Variants in UNC5D observed in about 807,000 individuals in gnomAD.
The protein encoded by UNC5D is netrin receptor UNC5D.
UNC5D carries 39 observed loss-of-function variants against 105.4 expected under a neutral mutation model. That is an observed-to-expected ratio of 0.37 (90% CI 0.29 to 0.48). The LOEUF (loss-of-function observed/expected upper bound fraction) is 0.48, where lower values mean the gene tolerates loss of function less well. Ranked by LOEUF, UNC5D falls within the 20% of genes least tolerant of loss-of-function variation. UNC5D has a pLI of 0.98. For synonymous variants in UNC5D, 452 were observed against 450.4 expected, an observed-to-expected ratio of 1.00 and a Z score of -0.04; for missense variants, 991 against 1,202.4, an observed-to-expected ratio of 0.82 and a Z score of 2.60.
At chr8:35,755,020 A>ATAAT (rs1830452608) in intron 13 of UNC5D, among the ~76,000 whole-genome samples, 1 of 152,180 alleles carries the variant, frequency 6.6e-6, no homozygotes, top group Admixed American at 6.5e-5. Flanking sequence ...TGTTTTTGTA[A>ATAAT]TAATTAGGGC....
intron 13 of UNC5D, among the ~76,000 whole-genome samples, chr8:35,752,062 G>A (rs1347455860): frequency 1.3e-5 from 2 of 152,154 alleles, no homozygotes; most frequent in Non-Finnish European, 2.9e-5. Context: ...CTATCACAAG[G>A]TAGTCATTTT....
intron 2 of UNC5D, among the ~76,000 whole-genome samples, chr8:35,556,912 G>A (rs1047110956): frequency 6.6e-6 from 1 of 152,112 alleles, no homozygotes; most frequent in African/African-American, 2.4e-5. Context: ...GAGTTGCTCT[G>A]GTTTGAACAC....
intron 4 of UNC5D, among the ~76,000 whole-genome samples, chr8:35,662,254 A>C (rs1396297935): frequency 6.6e-6 from 1 of 152,012 alleles, no homozygotes; most frequent in Non-Finnish European, 1.5e-5. Context: ...TTCTGTGATA[A>C]GACATGGTCT....
intron 3 of UNC5D, among the ~76,000 whole-genome samples, chr8:35,579,090 T>C (rs145860841): frequency 1.3e-5 from 2 of 152,278 alleles, no homozygotes; most frequent in African/African-American, 4.8e-5. Flanking sequence ...AGATTTTATT[T>C]CAATTCAACT....
At chr8:35,416,910 G>A (rs1366041977) in intron 1 of UNC5D, among the ~76,000 whole-genome samples, 2 of 152,138 alleles carry the variant, frequency 1.3e-5, no homozygotes, top group Non-Finnish European at 2.9e-5. Context: ...TTATTGCAGA[G>A]AAAGAAGGGA....
In UNC5D at chr8:35,560,969, C is replaced by T. The variant is rs550244096; in HGVS notation, c.323-7129C>T. 7.2e-4 allele frequency among the ~76,000 whole-genome samples: 110 copies of T among 152,292 alleles called. 1 individual carries two copies. Among genetic ancestry groups the T allele is most frequent in the South Asian group, 2.9e-3 (14 of 4,816 alleles). On this transcript the variant is annotated intron_variant, in intron 2 of 16. Coordinates refer to ENST00000404895, the MANE Select transcript of UNC5D (RefSeq NM_080872.4). ...GTGGGGTAAGACAAGATATAATCTT[C>T]ATAGTAGGGTGCCCTGGTCCCTTGT... is the stretch of plus-strand genomic sequence containing the variant.
intron 1 of UNC5D, among the ~76,000 whole-genome samples, chr8:35,432,923 T>G (rs1294293157): frequency 6.6e-6 from 1 of 152,152 alleles, no homozygotes. Flanking sequence ...GTTACACAGG[T>G]AAATAGCAAT....
intron 1 of UNC5D, among the ~76,000 whole-genome samples, chr8:35,413,045 G>A (rs540263503): frequency 2.9e-4 from 44 of 152,106 alleles, no homozygotes; most frequent in African/African-American, 9.2e-4. Context: ...TCTTGTTTAC[G>A]CTGACAGGCT....
At chr8:35,551,581 AG>A (rs1816143788) in intron 2 of UNC5D, among the ~76,000 whole-genome samples, 1 of 152,102 alleles carries the variant, frequency 6.6e-6, no homozygotes, top group Admixed American at 6.5e-5. Flanking sequence ...GCACTTTGGG[AG>A]GCCGAGGTGG....
chr8:35,484,801 T>G (rs1270865328), intron 1 of UNC5D, among the ~76,000 whole-genome samples: 1 of 152,186 alleles, frequency 6.6e-6, no homozygotes, highest in African/African-American at 2.4e-5. Context: ...TCTTGCTTGA[T>G]GCTTAGAATA....
intron 1 of UNC5D, among the ~76,000 whole-genome samples, chr8:35,351,103 G>A (rs898168060): frequency 2.6e-5 from 4 of 151,968 alleles, no homozygotes; most frequent in Non-Finnish European, 5.9e-5. Context: ...AAGCAGACAA[G>A]CTTAAAACAG....
intron 4 of UNC5D, among the ~76,000 whole-genome samples, chr8:35,630,507 C>T (rs1402824650): frequency 6.6e-6 from 1 of 152,164 alleles, no homozygotes; most frequent in Non-Finnish European, 1.5e-5. Context: ...GCAGTGGTGT[C>T]CTTTTCTCTC....
At chr8:35,766,557 A>G (rs557181198) in intron 14 of UNC5D, among the ~76,000 whole-genome samples, 3 of 152,308 alleles carry the variant, frequency 2.0e-5, no homozygotes, top group Admixed American at 6.5e-5. Context: ...GAGTCTTCCA[A>G]AGGAAAATAT....
At chr8:35,595,766 A>C in intron 4 of UNC5D, 109 bp downstream of exon 4, 1 of 915,698 alleles carries the variant, frequency 1.1e-6, no homozygotes, top group Non-Finnish European at 1.7e-6. Flanking sequence ...CATGTCTGGG[A>C]TTCTTGTTGC....
intron 4 of UNC5D, among the ~76,000 whole-genome samples, chr8:35,643,433 C>T (rs1427861323): frequency 1.3e-5 from 2 of 152,202 alleles, no homozygotes; most frequent in Non-Finnish European, 2.9e-5. Context: ...TCCCCTGTCT[C>T]AGCCTCCTGA....
intron 1 of UNC5D, among the ~76,000 whole-genome samples, chr8:35,274,684 C>CTGCA (rs1805650556): frequency 6.6e-6 from 1 of 152,110 alleles, no homozygotes; most frequent in African/African-American, 2.4e-5. Flanking sequence ...GTGGGCTGAC[C>CTGCA]TGCAGCTTTA....
chr8:35,702,838 T>G (rs1827304610), intron 7 of UNC5D, among the ~76,000 whole-genome samples: 1 of 152,136 alleles, frequency 6.6e-6, no homozygotes, highest in African/African-American at 2.4e-5. Context: ...ACCAGAGATT[T>G]CCAGCCATTT....
intron 16 of UNC5D, among the ~76,000 whole-genome samples, chr8:35,776,598 C>T (rs1428523440): frequency 6.6e-6 from 1 of 152,158 alleles, no homozygotes. Flanking sequence ...GCCATAAAAC[C>T]TGAGTGCTCA....
intron 1 of UNC5D, among the ~76,000 whole-genome samples, chr8:35,293,901 A>G (rs1429830219): frequency 6.6e-6 from 1 of 152,200 alleles, no homozygotes; most frequent in Non-Finnish European, 1.5e-5. Flanking sequence ...AATTAGAGAC[A>G]TTGTATTTGG....
Sources: gnomAD v4.1 joint callset for allele counts (sites outside exome capture counted in the v4.1 genomes callset) on GRCh38, gnomAD v4.1.1 for gene constraint, MANE v1.5 for transcripts, NCBI Gene and HGNC (gene_info 2026-07-23, HGNC 2026-07-21) for gene names.